The following DNAAF1 variants were observed in gnomAD, a reference collection of about 807,000 sequenced individuals.
The protein encoded by DNAAF1 is dynein assembly factor 1, axonemal.
In DNAAF1, 65 loss-of-function variants were observed where a neutral mutation model predicts 71.1. The observed-to-expected ratio is 0.91, with a 90% CI of 0.75 to 1.12. The LOEUF (loss-of-function observed/expected upper bound fraction) is 1.12, where lower values mean the gene tolerates loss of function less well. DNAAF1 is among the 50% of genes most tolerant of loss of function. DNAAF1 has a pLI of 0.00. For missense variants in DNAAF1, 1,178 were observed against 899.8 expected, an observed-to-expected ratio of 1.31 and a Z score of -3.96; for synonymous variants, 414 against 354.6, an observed-to-expected ratio of 1.17 and a Z score of -1.88.
intron 8 of DNAAF1, among the ~76,000 whole-genome samples, chr16:84,170,594 G>T (rs939930298): frequency 1.3e-5 from 2 of 152,158 alleles, no homozygotes. Flanking sequence ...GGAACTTTGG[G>T]AGGCCAAGGC....
Position 84,177,770 on chromosome 16 carries a change from G to C in DNAAF1, c.2107G>C (p.Gly703Arg). The C allele has an allele frequency of 6.2e-7, 1 of 1,614,028 alleles. No homozygotes were observed. Among genetic ancestry groups the C allele is most frequent in the Non-Finnish European group, 8.5e-7 (1 of 1,179,998 alleles). Residue 703 changes from glycine to arginine, a missense_variant, in exon 12 of 12, where the codon GGA (glycine) becomes CGA (arginine). By Grantham distance (125) the Gly-to-Arg change is moderately radical. Coordinates refer to ENST00000378553, the MANE Select transcript of DNAAF1 (RefSeq NM_178452.6). Reference sequence around the variant, plus strand: ...CGCCACACCCCCAGAGACGTGTGTCGGAGTTGCCCAGCCCAGCCAAGCTCT... The same window carrying C: ...CGCCACACCCCCAGAGACGTGTGTCCGAGTTGCCCAGCCCAGCCAAGCTCT... ...SAATPPETCV[G>R]VAQPSQALPT...
chr16:84,168,857 CTTT>C (rs1250256186), intron 7 of DNAAF1, among the ~76,000 whole-genome samples: 1 of 151,304 alleles, frequency 6.6e-6, no homozygotes, highest in East Asian at 1.9e-4. Flanking sequence ...CACACACACA[CTTT>C]GCTTTTCCCC....
At chr16:84,148,889 C>A in intron 1 of DNAAF1, 118 bp from the exon 2 acceptor site, 1 of 1,188,778 alleles carries the variant, frequency 8.4e-7, no homozygotes, top group Non-Finnish European at 1.2e-6. Flanking sequence ...CATACCCAGC[C>A]ACTAAAGAAT....
chr16:84,175,821 G>A (rs535387097), intron 10 of DNAAF1, 112 bp from the exon 11 acceptor site: 3 of 1,385,054 alleles, frequency 2.2e-6, no homozygotes, highest in Admixed American at 3.4e-5. Context: ...CTTGGATGTG[G>A]CAACAGAATA....
chr16:84,159,214 A>C, intron 5 of DNAAF1: 2 of 1,036,464 alleles, frequency 1.9e-6, no homozygotes, highest in Non-Finnish European at 2.3e-6. Context: ...CAGCAGAGGT[A>C]AGCGGGCACT....
intron 5 of DNAAF1, among the ~76,000 whole-genome samples, chr16:84,156,977 C>G (rs1235821920): frequency 6.6e-6 from 1 of 151,460 alleles, no homozygotes; most frequent in Admixed American, 6.6e-5. Flanking sequence ...CTTAGCCTCA[C>G]AAGTAGCTGG....
At chr16:84,164,824 C>G (rs866979134) in intron 6 of DNAAF1, among the ~76,000 whole-genome samples, 18 of 152,232 alleles carry the variant, frequency 1.2e-4, no homozygotes, top group Admixed American at 5.2e-4. Flanking sequence ...TATTTTTAGT[C>G]CCGTAAGAAT....
At chr16:84,161,145 A>G (rs1399328267) in intron 6 of DNAAF1, among the ~76,000 whole-genome samples, 1 of 152,106 alleles carries the variant, frequency 6.6e-6, no homozygotes, top group Non-Finnish European at 1.5e-5. Flanking sequence ...CACGTTCCTC[A>G]TCTGCAGCGT....
rs1298561255 is a variant in DNAAF1, at chr16:84,170,442, C to A, written c.1528+86C>A. The A allele has an allele frequency of 1.9e-6, 3 of 1,592,800 alleles. No homozygotes were observed. In the East Asian group the frequency reaches 6.7e-5, roughly 36 times the overall value. On this transcript the variant is annotated intron_variant, in intron 8 of 11. Transcript: ENST00000378553. Reference sequence around the variant, plus strand: ...ACTCACGTCTCTGTGGGACCTGGGGCCTGAGTTTCACTTCTTCTGTATTGC... The same window carrying A: ...ACTCACGTCTCTGTGGGACCTGGGGACTGAGTTTCACTTCTTCTGTATTGC...
intron 5 of DNAAF1, among the ~76,000 whole-genome samples, chr16:84,158,449 T>G (rs971418638): frequency 1.3e-5 from 2 of 152,190 alleles, no homozygotes; most frequent in Non-Finnish European, 2.9e-5. Context: ...TGGGCTCATT[T>G]CAACTTCATC....
chr16:84,169,914 G>A lies in DNAAF1; in HGVS notation c.1086G>A (p.Lys362=), dbSNP rs199746574. ...ATGTGCCCGCCAGTGCGGAAGGCAA[G>A]GAGGAGCCTCCCGGGGACAGAGAAA... ...GENVPASAEG[K]EEPPGDRETR... Residue 362 remains lysine (K), a synonymous_variant, in exon 8 of 12, where the codon AAG becomes AAA. Coordinates refer to ENST00000378553, the MANE Select transcript of DNAAF1 (RefSeq NM_178452.6). 5.6e-6 allele frequency: 9 copies of A among 1,614,148 alleles called. No homozygotes were observed. The East Asian group carries it at 1.8e-4, about 32-fold the overall frequency.
chr16:84,152,647 CAAAA>C (rs574069319), intron 3 of DNAAF1, among the ~76,000 whole-genome samples: 5 of 68,160 alleles, frequency 7.3e-5, no homozygotes, highest in Admixed American at 1.7e-4. Flanking sequence ...GATTCTGTCT[CAAAA>C]AAAAAAAAAA....
chr16:84,149,035 G>C lies in DNAAF1; in HGVS notation c.153G>C (p.Val51=), dbSNP rs1266425034. The C allele has an allele frequency of 1.2e-6, 2 of 1,614,016 alleles. No homozygotes were observed. The highest frequency in any genetic ancestry group is 1.6e-4 in the Middle Eastern group (1 of 6,062). Residue 51 remains valine, a synonymous_variant, in exon 2 of 12, where the codon GTG becomes GTC. Coordinates refer to ENST00000378553, the MANE Select transcript of DNAAF1 (RefSeq NM_178452.6). Reference sequence around the variant, plus strand: ...TTAATGATCCTAAGGAAATATGTGTGGGTTCTTCTGACACATCCTACCACA... The same window carrying C: ...TTAATGATCCTAAGGAAATATGTGTCGGTTCTTCTGACACATCCTACCACA... ...EEINDPKEIC[V]GSSDTSYHSQ... is the part of the protein sequence containing the mutation.
chr16:84,151,485 C>G (rs755110327), intron 3 of DNAAF1, among the ~76,000 whole-genome samples: 1 of 152,016 alleles, frequency 6.6e-6, no homozygotes, highest in African/African-American at 2.4e-5. Context: ...GACAGACTGC[C>G]GGGGGACTGA....
chr16:84,150,616 C>CTTTTTTTTTTT (rs754336069), intron 3 of DNAAF1, among the ~76,000 whole-genome samples: 2 of 130,352 alleles, frequency 1.5e-5, no homozygotes, highest in Admixed American at 8.0e-5. Context: ...TCTTTTCTTT[C>CTTTTTTTTTTT]TTTTTTTTTT....
chr16:84,148,992 T>A lies in DNAAF1; in HGVS notation c.125-15T>A. ...TATCTTGATCTCTACAGACCTGATC[T>A]CTTTTATTTTACAGAAATTAATGAT... On this transcript the variant is annotated splice_polypyrimidine_tract_variant and intron_variant, in intron 1 of 11. Transcript: ENST00000378553. The A allele has an allele frequency of 6.2e-7, 1 of 1,613,942 alleles. No homozygotes were observed. The highest frequency in any genetic ancestry group is 8.5e-7 in the Non-Finnish European group (1 of 1,179,930).
At chr16:84,159,866 T>C in intron 6 of DNAAF1, 70 bp downstream of exon 6, 2 of 1,575,300 alleles carry the variant, frequency 1.3e-6, no homozygotes, top group Admixed American at 1.7e-5. Flanking sequence ...ATTAAACTTT[T>C]TAAATTTCTG....
intron 7 of DNAAF1, among the ~76,000 whole-genome samples, chr16:84,167,042 C>A (rs2088046095): frequency 6.6e-6 from 1 of 152,138 alleles, no homozygotes; most frequent in South Asian, 2.1e-4. Flanking sequence ...TCTCCACTTC[C>A]AATGCCAACC....
intron 3 of DNAAF1, among the ~76,000 whole-genome samples, chr16:84,150,658 C>A (rs373566047): frequency 5.4e-5 from 8 of 147,926 alleles, no homozygotes; most frequent in African/African-American, 2.0e-4. Context: ...CTCTGTTGCC[C>A]AAGCTGAAGT....
Sources: allele counts gnomAD v4.1 joint callset (sites outside exome capture counted in the v4.1 genomes callset), GRCh38; gene constraint gnomAD v4.1.1; transcripts MANE v1.5; gene names NCBI Gene and HGNC (gene_info 2026-07-23, HGNC 2026-07-21).